SYT1: variants seen among roughly 807,000 people sequenced by gnomAD.
SYT1 encodes the protein synaptotagmin-1.
In SYT1, 8 loss-of-function variants were observed where a neutral mutation model predicts 44.8. The observed-to-expected ratio is 0.18, with a 90% CI of 0.10 to 0.32. The LOEUF (loss-of-function observed/expected upper bound fraction) is 0.32. SYT1 is among the 10% of genes least tolerant of loss of function. SYT1 has a pLI of 1.00. For missense variants in SYT1, 286 were observed against 509.3 expected, an observed-to-expected ratio of 0.56 and a Z score of 4.22; for synonymous variants, 154 against 188.8, an observed-to-expected ratio of 0.82 and a Z score of 1.51.
rs1225444616 is a variant in SYT1 at position 79,217,533 on chromosome 12, G to A, written c.14G>A (p.Ser5Asn). 4 of 1,596,084 alleles carry A rather than the reference G, an allele frequency of 2.5e-6. No homozygotes were observed. The highest frequency in any genetic ancestry group is 3.4e-6 in the Non-Finnish European group (4 of 1,172,336). The change falls in exon 4 of 11, where the codon AGT becomes AAT. Residue 5 changes from serine (S) to asparagine (N), a missense_variant. By Grantham distance (46) the Ser-to-Asn change is conservative (BLOSUM62 1). This residue lies in a region of SYT1 where 141 missense variants were observed against 165.7 expected (regional missense o/e 0.85). Transcript: ENST00000261205. Reference protein sequence around the residue: MVSESHHEALAAPPV... With the variant: MVSENHHEALAAPPV... ...CCTGAACCTAAAATGGTGAGCGAGA[G>A]TCACCATGAGGCCCTGGCAGCCCCG... is the stretch of plus-strand genomic sequence containing the variant.
At chr12:79,026,975 G>A (rs569020098) in intron 2 of SYT1, among the ~76,000 whole-genome samples, 7 of 151,506 alleles carry the variant, frequency 4.6e-5, no homozygotes, top group South Asian at 4.2e-4. Context: ...TGCTACAGCC[G>A]TTATAGAAAA....
intron 3 of SYT1, among the ~76,000 whole-genome samples, chr12:79,200,691 A>G (rs556932550): frequency 6.6e-6 from 1 of 152,294 alleles, no homozygotes; most frequent in South Asian, 2.1e-4. Flanking sequence ...CAACACTTTC[A>G]TTCAGAGAAG....
intron 1 of SYT1, among the ~76,000 whole-genome samples, chr12:78,925,214 T>C (rs1227522876): frequency 6.6e-6 from 1 of 151,950 alleles, no homozygotes; most frequent in Non-Finnish European, 1.5e-5. Flanking sequence ...AATTCCCTTC[T>C]CTAATTTAGC....
intron 1 of SYT1, among the ~76,000 whole-genome samples, chr12:78,935,139 T>TA (rs1877981846): frequency 6.6e-6 from 1 of 152,150 alleles, no homozygotes; most frequent in Non-Finnish European, 1.5e-5. Flanking sequence ...TTTGAATCTG[T>TA]CTTTGGACAG....
At chr12:79,054,140 T>G (rs1874751920) in intron 3 of SYT1, among the ~76,000 whole-genome samples, 1 of 152,058 alleles carries the variant, frequency 6.6e-6, no homozygotes. Flanking sequence ...TTAGCTTACT[T>G]AGTATGCAGC....
chr12:79,123,452 C>G (rs1565816455), intron 3 of SYT1, among the ~76,000 whole-genome samples: 1 of 151,964 alleles, frequency 6.6e-6, no homozygotes, highest in Non-Finnish European at 1.5e-5. Flanking sequence ...ATTTGGTCCT[C>G]TAGGTACTAA....
chr12:79,065,692 T>G lies in SYT1; in HGVS notation c.-18+18330T>G, dbSNP rs540172428. On this transcript the variant is annotated intron_variant, in intron 3 of 10. Transcript: ENST00000261205. ...CCCATCATAATCACTTCACAAATTC[T>G]TAATGAAATCTGACCAAAATGTGCT... 2.0e-5 allele frequency among the ~76,000 whole-genome samples: 3 copies of G among 152,292 alleles called. No individual in the cohort carries two copies. In the South Asian group the frequency reaches 6.2e-4, roughly 32 times the overall value.
intron 4 of SYT1, among the ~76,000 whole-genome samples, chr12:79,238,552 T>G (rs1392054067): frequency 6.6e-6 from 1 of 152,150 alleles, no homozygotes; most frequent in Non-Finnish European, 1.5e-5. Flanking sequence ...CGTGAACTGT[T>G]CTCTTCCATA....
At chr12:78,996,352 G>A (rs777853883) in intron 2 of SYT1, among the ~76,000 whole-genome samples, 2 of 152,122 alleles carry the variant, frequency 1.3e-5, no homozygotes, top group Non-Finnish European at 2.9e-5. Flanking sequence ...TTAAGGAAGG[G>A]TTGGTTTCAG....
At chr12:79,447,711 C>A (rs1371491909) in intron 10 of SYT1, among the ~76,000 whole-genome samples, 2 of 152,152 alleles carry the variant, frequency 1.3e-5, no homozygotes, top group African/African-American at 2.4e-5. Context: ...ATTCCTTTCA[C>A]AATGGAATCA....
intron 2 of SYT1, among the ~76,000 whole-genome samples, chr12:78,995,395 G>C (rs930426991): frequency 6.6e-6 from 1 of 152,138 alleles, no homozygotes; most frequent in East Asian, 1.9e-4. Flanking sequence ...ATAGGGGTGA[G>C]AAACAATAAC....
chr12:79,037,010 G>A (rs1255685819), intron 2 of SYT1, among the ~76,000 whole-genome samples: 1 of 151,738 alleles, frequency 6.6e-6, no homozygotes, highest in Non-Finnish European at 1.5e-5. Context: ...ATAAGATACA[G>A]AATTTTACTT....
At chr12:78,900,878 A>G (rs1406309711) in intron 1 of SYT1, among the ~76,000 whole-genome samples, 1 of 152,172 alleles carries the variant, frequency 6.6e-6, no homozygotes, top group Non-Finnish European at 1.5e-5. Flanking sequence ...CAATACCATC[A>G]AAATGCATGT....
Position 78,965,835 on chromosome 12 carries a change from TTG to T in SYT1, c.-216-11963_-216-11962del, listed in dbSNP as rs1361983157. ...GGCTCACACCTGTAATCCCAGCACT[TTG>T]GGAGGCTGAGGTGGGTGGATCACGA... On this transcript the variant is annotated intron_variant, in intron 1 of 10. Coordinates refer to ENST00000261205, the MANE Select transcript of SYT1 (RefSeq NM_005639.3). Among the ~76,000 whole-genome samples, 5 of 152,044 alleles carry T rather than the reference TTG, an allele frequency of 3.3e-5. No individual in the cohort carries two copies. The East Asian group carries it at 9.7e-4, about 29-fold the overall frequency.
chr12:79,214,606 C>T (rs141231860), intron 3 of SYT1, among the ~76,000 whole-genome samples: 10 of 152,176 alleles, frequency 6.6e-5, no homozygotes, highest in African/African-American at 2.4e-4. Flanking sequence ...GCTATCAGTA[C>T]ACACAAAGGC....
intron 8 of SYT1, among the ~76,000 whole-genome samples, chr12:79,336,470 C>T (rs116362060): frequency 0.011 from 1,682 of 152,198 alleles, 28 homozygotes; most frequent in African/African-American, 0.036. Flanking sequence ...ATTTTTCCTA[C>T]GGCTTTGCCT....
intron 8 of SYT1, among the ~76,000 whole-genome samples, chr12:79,327,826 G>A (rs1378049306): frequency 6.6e-6 from 1 of 152,148 alleles, no homozygotes; most frequent in East Asian, 1.9e-4. Flanking sequence ...AACTGATTGA[G>A]AATAAGGGCT....
Position 79,247,838 on chromosome 12 carries a change from A to T in SYT1, c.166+30153A>T, listed in dbSNP as rs145230382. Among the ~76,000 whole-genome samples the T allele has an allele frequency of 4.2e-3, 633 of 152,334 alleles. 1 individual carries two copies. Among genetic ancestry groups the T allele is most frequent in the African/African-American group, 0.014 (600 of 41,568 alleles). ...AGAGCAGTATTTCAAAAACCGCAGG[A>T]AGCTATAGTGAAAATCTAGGAAGAT... On this transcript the variant is annotated intron_variant, in intron 4 of 10. Transcript: ENST00000261205.
intron 8 of SYT1, among the ~76,000 whole-genome samples, chr12:79,342,818 A>C (rs1882437884): frequency 6.6e-6 from 1 of 152,232 alleles, no homozygotes; most frequent in South Asian, 2.1e-4. Flanking sequence ...AAAGATCATA[A>C]ATTCAGTTTT....
Sources: allele counts gnomAD v4.1 joint callset (sites outside exome capture counted in the v4.1 genomes callset), GRCh38; gene constraint gnomAD v4.1.1; regional missense constraint gnomAD v4.1.1; transcripts MANE v1.5; gene names NCBI Gene and HGNC (gene_info 2026-07-23, HGNC 2026-07-21).